NRG1: variants seen among roughly 807,000 people sequenced by gnomAD.
NRG1 encodes pro-neuregulin-1, membrane-bound isoform.
A neutral mutation model predicts 63.8 loss-of-function variants in NRG1; 18 were observed. The observed-to-expected ratio is 0.28, with a 90% CI of 0.19 to 0.42. The LOEUF is 0.42. Ranked by LOEUF, NRG1 falls within the 10% of genes least tolerant of loss-of-function variation. NRG1 has a pLI of 1.00. For synonymous variants in NRG1, 302 were observed against 301.3 expected, an observed-to-expected ratio of 1.00 and a Z score of -0.02; for missense variants, 762 against 814.7, an observed-to-expected ratio of 0.94 and a Z score of 0.79.
intron 1 of NRG1, among the ~76,000 whole-genome samples, chr8:32,460,996 A>G (rs1018345285): frequency 5.9e-5 from 9 of 152,200 alleles, no homozygotes; most frequent in African/African-American, 2.2e-4. Context: ...ATATATGTAT[A>G]AAATTATGTG....
At chr8:31,842,782 C>T (rs1035109590) in intron 1 of NRG1, among the ~76,000 whole-genome samples, 1 of 152,026 alleles carries the variant, frequency 6.6e-6, no homozygotes, top group African/African-American at 2.4e-5. Flanking sequence ...AAGATATGCC[C>T]TTGATGTAGT....
At chr8:32,293,926 C>T (rs998161136) in intron 1 of NRG1, among the ~76,000 whole-genome samples, 2 of 152,150 alleles carry the variant, frequency 1.3e-5, no homozygotes, top group African/African-American at 4.8e-5. Flanking sequence ...CCATGTTGGC[C>T]AGGCTGGTCT....
At chr8:32,376,015 C>T (rs763003362) in intron 1 of NRG1, among the ~76,000 whole-genome samples, 2 of 152,180 alleles carry the variant, frequency 1.3e-5, no homozygotes, top group African/African-American at 2.4e-5. Flanking sequence ...TGGCATCTTA[C>T]GATTCAGCAG....
At chr8:31,927,116 G>A (rs1367881244) in intron 1 of NRG1, among the ~76,000 whole-genome samples, 2 of 152,138 alleles carry the variant, frequency 1.3e-5, no homozygotes, top group African/African-American at 2.4e-5. Flanking sequence ...GCTCTATGAG[G>A]TAGGGACAAT....
At chr8:31,852,718 T>C (rs1284723796) in intron 1 of NRG1, among the ~76,000 whole-genome samples, 2 of 152,240 alleles carry the variant, frequency 1.3e-5, no homozygotes, top group Non-Finnish European at 2.9e-5. Context: ...GCCTAGGTTT[T>C]CTTCTAGGGT....
chr8:32,558,445 T>G (rs1004512087), intron 1 of NRG1, among the ~76,000 whole-genome samples: 10 of 152,044 alleles, frequency 6.6e-5, no homozygotes, highest in Non-Finnish European at 1.5e-4. Context: ...CCTTATGAAA[T>G]AGAAAAGGAA....
intron 1 of NRG1, among the ~76,000 whole-genome samples, chr8:32,119,131 A>G (rs191223584): frequency 1.3e-5 from 2 of 152,158 alleles, no homozygotes; most frequent in Non-Finnish European, 2.9e-5. Flanking sequence ...CTCTCCTGAA[A>G]CATAGAAGGT....
At chr8:32,203,052 C>T (rs1371945314) in intron 1 of NRG1, among the ~76,000 whole-genome samples, 1 of 151,918 alleles carries the variant, frequency 6.6e-6, no homozygotes, top group African/African-American at 2.4e-5. Flanking sequence ...TCTCAAGTTG[C>T]AAGTGATACT....
chr8:32,012,196 CAGTT>C (rs1376769737), intron 1 of NRG1, among the ~76,000 whole-genome samples: 1 of 152,066 alleles, frequency 6.6e-6, no homozygotes, highest in Admixed American at 6.6e-5. Flanking sequence ...GGAGCTAAAA[CAGTT>C]AGTCCCTTAT....
chr8:32,571,894 A>G (rs1838665506), intron 1 of NRG1, among the ~76,000 whole-genome samples: 1 of 150,868 alleles, frequency 6.6e-6, no homozygotes, highest in Non-Finnish European at 1.5e-5. Flanking sequence ...TAAGTTACAA[A>G]TATACACACA....
At chr8:31,776,654 G>A (rs977717371) in intron 1 of NRG1, among the ~76,000 whole-genome samples, 1 of 151,938 alleles carries the variant, frequency 6.6e-6, no homozygotes, top group Non-Finnish European at 1.5e-5. Flanking sequence ...TTGTCATTTA[G>A]CATTAGGTAT....
At chr8:31,878,259 A>G (rs1454011079) in intron 1 of NRG1, among the ~76,000 whole-genome samples, 3 of 152,208 alleles carry the variant, frequency 2.0e-5, no homozygotes, top group Non-Finnish European at 4.4e-5. Flanking sequence ...TTCTGAATTA[A>G]TAACCTTACA....
At chr8:31,788,385 A>G (rs1820380483) in intron 1 of NRG1, among the ~76,000 whole-genome samples, 1 of 152,124 alleles carries the variant, frequency 6.6e-6, no homozygotes, top group African/African-American at 2.4e-5. Context: ...TATTATTTTA[A>G]ATGGCTACAT....
chr8:32,465,874 A>G (rs1388300319), intron 1 of NRG1, among the ~76,000 whole-genome samples: 2 of 152,230 alleles, frequency 1.3e-5, no homozygotes, highest in Non-Finnish European at 2.9e-5. Context: ...ATAAACCACA[A>G]TACAAAAAAG....
At chr8:32,654,501 TG>T (rs1855856036) in intron 5 of NRG1, among the ~76,000 whole-genome samples, 2 of 151,914 alleles carry the variant, frequency 1.3e-5, no homozygotes. Flanking sequence ...TGGGGGTTCA[TG>T]CCTATAATCC....
intron 1 of NRG1, among the ~76,000 whole-genome samples, chr8:32,567,462 A>C (rs1472398553): frequency 6.6e-6 from 1 of 152,352 alleles, no homozygotes; most frequent in African/African-American, 2.4e-5. Flanking sequence ...GCCTAGTCTG[A>C]TGCTTAGCCT....
intron 5 of NRG1, among the ~76,000 whole-genome samples, chr8:32,632,671 C>G (rs942808344): frequency 1.3e-5 from 2 of 151,908 alleles, no homozygotes; most frequent in African/African-American, 4.8e-5. Context: ...GCTCTAGAGC[C>G]TTGTATATTT....
intron 1 of NRG1, among the ~76,000 whole-genome samples, chr8:32,021,776 T>A (rs373557185): frequency 5.9e-5 from 9 of 152,330 alleles, no homozygotes; most frequent in African/African-American, 2.2e-4. Flanking sequence ...ACATACAACA[T>A]TTACCCTAAA....
intron 5 of NRG1, among the ~76,000 whole-genome samples, chr8:32,618,633 C>T (rs904245462): frequency 3.9e-5 from 6 of 152,044 alleles, no homozygotes; most frequent in South Asian, 2.1e-4. Flanking sequence ...ATCAGTCACC[C>T]GGGGTCATGG....
Sources: allele counts gnomAD v4.1 joint callset (sites outside exome capture counted in the v4.1 genomes callset), GRCh38; gene constraint gnomAD v4.1.1; transcripts MANE v1.5; gene names NCBI Gene and HGNC (gene_info 2026-07-23, HGNC 2026-07-21).